UBE3C: variants seen among roughly 807,000 people sequenced by gnomAD.
The protein encoded by UBE3C is ubiquitin-protein ligase E3C.
Under a neutral mutation model 129.4 loss-of-function variants are expected in UBE3C, and 42 were observed. The ratio of observed to expected loss-of-function variants is 0.32; its 90% confidence interval spans 0.25 to 0.42. The LOEUF (loss-of-function observed/expected upper bound fraction) is 0.42. UBE3C is among the 10% of genes least tolerant of loss of function. The pLI is 1.00. For synonymous variants in UBE3C, 510 were observed against 492.4 expected, an observed-to-expected ratio of 1.04 and a Z score of -0.47; for missense variants, 1,049 against 1,319.1, an observed-to-expected ratio of 0.80 and a Z score of 3.17.
intron 2 of UBE3C, chr7:157,164,641 T>C (rs1421099548): frequency 5.8e-6 from 2 of 346,962 alleles, no homozygotes; most frequent in South Asian, 2.2e-5. Flanking sequence ...TACTATCTTA[T>C]GACCTGCTTT....
At chr7:157,220,539 T>TA in intron 14 of UBE3C, 150 bp from the exon 15 acceptor site, 1 of 702,668 alleles carries the variant, frequency 1.4e-6, no homozygotes, top group Non-Finnish European at 2.3e-6. Context: ...CCTGAAAAGG[T>TA]AAAGCAAAAG....
At position 157,268,650 on chromosome 7, in the gene UBE3C, C is replaced by T. The variant is rs1018834904; in HGVS notation, c.*895C>T. ...TCCCATCATCCGCTCGCCCTCCTTTCCCCTGGGCTGCGCCCACTTGTCTTC... is the reference window on the plus strand; with the variant it reads ...TCCCATCATCCGCTCGCCCTCCTTTTCCCTGGGCTGCGCCCACTTGTCTTC... On this transcript the variant is annotated 3_prime_UTR_variant, in exon 23 of 23. Coordinates refer to ENST00000348165, the MANE Select transcript of UBE3C (RefSeq NM_014671.3). 3.3e-5 allele frequency: 5 copies of T among 152,742 alleles called. No individual in the cohort carries two copies. Among genetic ancestry groups the T allele is most frequent in the African/African-American group, 1.2e-4 (5 of 41,468 alleles). The allele number at this position is 152,742 out of a possible 1,614,324, so 9.5% of individuals were successfully genotyped here.
intron 1 of UBE3C, among the ~76,000 whole-genome samples, chr7:157,155,190 C>T (rs903143816): frequency 3.0e-4 from 46 of 152,146 alleles, no homozygotes; most frequent in African/African-American, 1.0e-3. Context: ...ACCCCCTCCA[C>T]ACGCACACAC....
Position 157,169,089 on chromosome 7 carries a change from A to G in UBE3C, c.162A>G (p.Ser54=). 1 of 1,613,876 alleles carries G rather than the reference A, an allele frequency of 6.2e-7. No homozygotes were observed. Among genetic ancestry groups the G allele is most frequent in the Non-Finnish European group, 8.5e-7 (1 of 1,179,910 alleles). ...TGAAAAATGCAATAATTATCCAGTC[A>G]TTTATTCGAGGCTATAGAGACAGAA... is the stretch of plus-strand genomic sequence containing the variant. ...RRLKNAIIIQ[S]FIRGYRDRKQ... Residue 54 remains serine (S), a synonymous_variant, in exon 3 of 23, where the codon TCA becomes TCG. Coordinates refer to ENST00000348165, the MANE Select transcript of UBE3C (RefSeq NM_014671.3).
chr7:157,139,290 C>T lies in UBE3C; in HGVS notation c.18C>T (p.Gly6=). 1 of 1,582,304 alleles carries T rather than the reference C, an allele frequency of 6.3e-7. No individual in the cohort carries two copies. Among genetic ancestry groups the T allele is most frequent in the Non-Finnish European group, 8.5e-7 (1 of 1,171,296 alleles). ...CTGCCAGGATGTTCAGCTTCGAAGG[C>T]GACTTCAAGACGCGGCCCAAGGTGT... is the stretch of plus-strand genomic sequence containing the variant. MFSFE[G]DFKTRPKVSL... is the part of the protein sequence containing the mutation. Residue 6 remains glycine (G), a synonymous_variant, in exon 1 of 23, where the codon GGC becomes GGT. Transcript: ENST00000348165.
intron 22 of UBE3C, among the ~76,000 whole-genome samples, chr7:157,262,820 T>C (rs1415252840): frequency 2.0e-5 from 3 of 152,274 alleles, no homozygotes; most frequent in African/African-American, 7.2e-5. Flanking sequence ...CCAACTGAAA[T>C]GTGGGTGTGG....
At chr7:157,209,024 C>T (rs1329449098) in intron 13 of UBE3C, among the ~76,000 whole-genome samples, 1 of 152,194 alleles carries the variant, frequency 6.6e-6, no homozygotes, top group African/African-American at 2.4e-5. Context: ...GTCAAGCTAT[C>T]TATTTAATTG....
intron 18 of UBE3C, among the ~76,000 whole-genome samples, chr7:157,240,303 C>T (rs931983950): frequency 3.0e-4 from 45 of 152,130 alleles, no homozygotes; most frequent in African/African-American, 9.4e-4. Flanking sequence ...GATCCGCCCA[C>T]CTCAGCCTCC....
At chr7:157,169,271 AT>A in intron 3 of UBE3C, 149 bp downstream of exon 3, 1 of 559,992 alleles carries the variant, frequency 1.8e-6, no homozygotes, top group Admixed American at 3.4e-5. Context: ...TATTGTGAAG[AT>A]TTATAGATAG....
At position 157,169,109 on chromosome 7, in the gene UBE3C, A is replaced by T; in HGVS notation, c.182A>T (p.Asp61Val). 1 of 1,613,420 alleles carries T rather than the reference A, an allele frequency of 6.2e-7. No homozygotes were observed. The change falls in exon 3 of 23, where the codon GAC (aspartate) becomes GTC (valine). Residue 61 changes from aspartate (D) to valine (V), a missense_variant. By Grantham distance (152) the Asp-to-Val change is radical. Coordinates refer to ENST00000348165, the MANE Select transcript of UBE3C (RefSeq NM_014671.3). ...CAGTCATTTATTCGAGGCTATAGAG[A>T]CAGAAAACAGCAAGTAAGTTTGTTT... ...IIQSFIRGYRDRKQQYSIQRS... is the reference protein window; with the variant it reads ...IIQSFIRGYRVRKQQYSIQRS...
intron 14 of UBE3C, among the ~76,000 whole-genome samples, chr7:157,218,971 C>A (rs1450217213): frequency 2.0e-5 from 3 of 152,200 alleles, no homozygotes; most frequent in Non-Finnish European, 4.4e-5. Context: ...GCATTTAACC[C>A]ACCTTTCATT....
intron 22 of UBE3C, among the ~76,000 whole-genome samples, 155 bp from the exon 23 acceptor site, chr7:157,267,426 AAAAC>A (rs1156415271): frequency 1.4e-4 from 21 of 152,208 alleles, no homozygotes; most frequent in African/African-American, 4.6e-4. Flanking sequence ...CATCTCAAAG[AAAAC>A]AAACAACAAC....
chr7:157,250,238 C>CG (rs1796589097), intron 19 of UBE3C, among the ~76,000 whole-genome samples: 5 of 152,098 alleles, frequency 3.3e-5, no homozygotes, highest in African/African-American at 9.6e-5. Context: ...TGTTTTGAGA[C>CG]GGGGTTTCAC....
intron 10 of UBE3C, chr7:157,192,582 CT>C (rs1490708864): frequency 8.1e-5 from 62 of 765,504 alleles, no homozygotes; most frequent in Non-Finnish European, 1.4e-4. Flanking sequence ...TGTGTTGAGA[CT>C]TCGTGGTGGT....
chr7:157,253,824 T>C, intron 19 of UBE3C, 130 bp from the exon 20 acceptor site: 1 of 888,032 alleles, frequency 1.1e-6, no homozygotes, highest in Admixed American at 3.1e-5. Context: ...ACTCGGGTAC[T>C]ATTTCGTATT....
In UBE3C at chr7:157,176,255, A is replaced by G. The variant is rs529960963; in HGVS notation, c.458+1221A>G. Among the ~76,000 whole-genome samples the G allele has an allele frequency of 2.6e-3, 389 of 152,120 alleles. 4 individuals carry two copies. Among genetic ancestry groups the G allele is most frequent in the Non-Finnish European group, 3.4e-3 (233 of 67,968 alleles). ...CCAGTTTGGGCAGCAGAGCAAGACC[A>G]TGTTTCTTTTTTTATTATTTATTTA... is the stretch of plus-strand genomic sequence containing the variant. On this transcript the variant is annotated intron_variant, in intron 5 of 22. Coordinates refer to ENST00000348165, the MANE Select transcript of UBE3C (RefSeq NM_014671.3).
chr7:157,177,577 G>T (rs528060716), intron 5 of UBE3C, among the ~76,000 whole-genome samples: 10 of 152,330 alleles, frequency 6.6e-5, no homozygotes, highest in African/African-American at 2.4e-4. Context: ...GGCTTGTTAT[G>T]TGTAGCCCCG....
At chr7:157,245,759 T>TA (rs966865190) in intron 18 of UBE3C, among the ~76,000 whole-genome samples, 5 of 152,098 alleles carry the variant, frequency 3.3e-5, no homozygotes, top group African/African-American at 4.8e-5. Context: ...CTGAGCTACT[T>TA]AAAAAACAGC....
chr7:157,207,290 A>C, intron 11 of UBE3C, 108 bp from the exon 12 acceptor site: 4 of 1,455,376 alleles, frequency 2.7e-6, no homozygotes, highest in Non-Finnish European at 3.7e-6. Context: ...TCCTAATGCA[A>C]ATGTTACTTT....
Sources: gnomAD v4.1 joint callset for allele counts (sites outside exome capture counted in the v4.1 genomes callset) on GRCh38, gnomAD v4.1.1 for gene constraint, MANE v1.5 for transcripts, NCBI Gene and HGNC (gene_info 2026-07-23, HGNC 2026-07-21) for gene names.